FHOD3: variants seen among roughly 807,000 people sequenced by gnomAD.
FHOD3 encodes the protein FH1/FH2 domain-containing protein 3.
FHOD3 carries 90 observed loss-of-function variants against 173.0 expected under a neutral mutation model. The observed-to-expected ratio is 0.52, with a 90% CI of 0.44 to 0.62. The LOEUF (loss-of-function observed/expected upper bound fraction) is 0.62, where lower values mean the gene tolerates loss of function less well. FHOD3 is among the 20% of genes least tolerant of loss of function. FHOD3 has a pLI of 0.00. For missense variants in FHOD3, 1,945 were observed against 2,034.7 expected (o/e 0.96, Z 0.85); for synonymous variants, 828 against 823.0 (o/e 1.01, Z -0.10).
intron 9 of FHOD3, among the ~76,000 whole-genome samples, chr18:36,614,145 C>A (rs1053331443): frequency 6.6e-6 from 1 of 152,214 alleles, no homozygotes; most frequent in African/African-American, 2.4e-5. Flanking sequence ...CCCCCACACC[C>A]ATTAGCAGAC....
intron 17 of FHOD3, among the ~76,000 whole-genome samples, chr18:36,700,765 G>A (rs184517359): frequency 1.1e-4 from 17 of 151,272 alleles, no homozygotes; most frequent in Admixed American, 1.1e-3. Context: ...AAGACCCTTT[G>A]TACCCAGTAC....
Position 36,594,898 on chromosome 18 carries a change from G to A in FHOD3, c.718G>A (p.Gly240Arg), listed in dbSNP as rs1230600123. 6.2e-7 allele frequency: 1 copy of A among 1,604,800 alleles called. No homozygotes were observed. Among genetic ancestry groups the A allele is most frequent in the Non-Finnish European group, 8.5e-7 (1 of 1,172,524 alleles). ...TGTCACTGCTGTTGACACGAAAAGA[G>A]GTGAGTAGTCCCTGCCCCCTTATGT... is the stretch of plus-strand genomic sequence containing the variant. Reference protein sequence around the residue: ...QAVTAVDTKRGVKPWSNIMEI... With the variant: ...QAVTAVDTKRRVKPWSNIMEI... The change falls in exon 7 of 29, where the codon GGG becomes AGG. Residue 240 changes from glycine (G) to arginine (R), a missense_variant and splice_region_variant. Coordinates refer to ENST00000590592, the MANE Select transcript of FHOD3 (RefSeq NM_001281740.3).
chr18:36,626,412 T>C (rs2034112412), intron 10 of FHOD3, among the ~76,000 whole-genome samples: 1 of 152,184 alleles, frequency 6.6e-6, no homozygotes, highest in Non-Finnish European at 1.5e-5. Flanking sequence ...TTGGCAATCC[T>C]ATGAGATATT....
chr18:36,649,429 A>G (rs2035905364), intron 11 of FHOD3, 24 bp downstream of exon 11: 2 of 1,515,608 alleles, frequency 1.3e-6, no homozygotes, highest in Non-Finnish European at 1.8e-6. Context: ...GAGCCTCCCA[A>G]GCTCACACTA....
intron 14 of FHOD3, among the ~76,000 whole-genome samples, chr18:36,673,822 G>C (rs186836744): frequency 4.4e-4 from 67 of 152,182 alleles, no homozygotes; most frequent in East Asian, 2.5e-3. Flanking sequence ...ATCCCTCTCT[G>C]AGATACATAT....
At chr18:36,429,101 G>T (rs922561191) in intron 3 of FHOD3, among the ~76,000 whole-genome samples, 13 of 152,170 alleles carry the variant, frequency 8.5e-5, no homozygotes, top group Non-Finnish European at 1.5e-4. Context: ...CGGTCTTGAG[G>T]TCCAATGAGA....
At chr18:36,629,589 A>G (rs1307964322) in intron 10 of FHOD3, among the ~76,000 whole-genome samples, 1 of 152,220 alleles carries the variant, frequency 6.6e-6, no homozygotes, top group East Asian at 1.9e-4. Flanking sequence ...TGTGAGGGCT[A>G]TGGGGAACAG....
At chr18:36,480,296 G>T (rs778221874) in intron 3 of FHOD3, among the ~76,000 whole-genome samples, 35 of 152,088 alleles carry the variant, frequency 2.3e-4, no homozygotes, top group South Asian at 2.1e-4. Context: ...TGTTCCCCAG[G>T]CACATTAGAA....
intron 1 of FHOD3, among the ~76,000 whole-genome samples, chr18:36,306,166 G>A (rs2092090718): frequency 6.6e-6 from 1 of 152,230 alleles, no homozygotes; most frequent in East Asian, 1.9e-4. Flanking sequence ...CAGCTGGAAG[G>A]GCATGGGCGC....
chr18:36,709,165 T>C lies in FHOD3; in HGVS notation c.2307T>C (p.Ala769=), dbSNP rs2040035545. 2 of 1,613,944 alleles carry C rather than the reference T, an allele frequency of 1.2e-6. No individual in the cohort carries two copies. The highest frequency in any genetic ancestry group is 2.7e-5 in the African/African-American group (2 of 74,894). Residue 769 remains alanine, a synonymous_variant, in exon 18 of 29, where the codon GCT becomes GCC. Transcript: ENST00000590592. The part of the protein sequence containing the change: ...PEAEAGAGQV[A]DEAGQDIASA... Reference sequence around the variant, plus strand: ...CAGAGGCAGGGGCGGGGCAGGTTGCTGATGAAGCTGGCCAGGACATAGCCT... The same window carrying C: ...CAGAGGCAGGGGCGGGGCAGGTTGCCGATGAAGCTGGCCAGGACATAGCCT...
chr18:36,713,939 AT>A (rs1271410518), intron 18 of FHOD3, among the ~76,000 whole-genome samples: 1 of 152,236 alleles, frequency 6.6e-6, no homozygotes, highest in African/African-American at 2.4e-5. Flanking sequence ...GGCAGAGTGG[AT>A]TAAAAATGAC....
chr18:36,355,284 A>G (rs2046307764), intron 1 of FHOD3, among the ~76,000 whole-genome samples: 1 of 152,136 alleles, frequency 6.6e-6, no homozygotes, highest in Non-Finnish European at 1.5e-5. Context: ...CCAGTGCCCA[A>G]AGGGCTCCTT....
intron 1 of FHOD3, among the ~76,000 whole-genome samples, chr18:36,330,814 C>T (rs1236665022): frequency 1.3e-5 from 2 of 152,018 alleles, no homozygotes; most frequent in Non-Finnish European, 2.9e-5. Flanking sequence ...GTGAATGCAG[C>T]ATCAGAGCTG....
At chr18:36,484,311 C>G (rs796659892) in intron 3 of FHOD3, among the ~76,000 whole-genome samples, 11 of 152,176 alleles carry the variant, frequency 7.2e-5, no homozygotes, top group African/African-American at 2.4e-4. Context: ...GCCTGAACCT[C>G]CGATGACCTG....
chr18:36,313,028 G>T (rs1218237726), intron 1 of FHOD3, among the ~76,000 whole-genome samples: 2 of 152,166 alleles, frequency 1.3e-5, no homozygotes, highest in Non-Finnish European at 2.9e-5. Flanking sequence ...AGCTCCTTGG[G>T]TGTCTCTCTT....
intron 1 of FHOD3, among the ~76,000 whole-genome samples, chr18:36,299,550 A>G (rs1411945036): frequency 1.3e-5 from 2 of 152,152 alleles, no homozygotes; most frequent in African/African-American, 2.4e-5. Flanking sequence ...TGGATTTCAA[A>G]CCTTATATAC....
intron 23 of FHOD3, 87 bp downstream of exon 23, chr18:36,744,280 T>C (rs1340546946): frequency 1.4e-6 from 2 of 1,386,542 alleles, no homozygotes; most frequent in Non-Finnish European, 2.0e-6. Context: ...ACGAGCCCTA[T>C]TAAGTAAAAT....
At chr18:36,379,409 T>C (rs1403157552) in intron 3 of FHOD3, among the ~76,000 whole-genome samples, 1 of 152,256 alleles carries the variant, frequency 6.6e-6, no homozygotes, top group East Asian at 1.9e-4. Flanking sequence ...ATTGCTTCTT[T>C]AGGACTTGGT....
intron 5 of FHOD3, among the ~76,000 whole-genome samples, chr18:36,545,371 A>T (rs915040068): frequency 4.6e-5 from 7 of 152,270 alleles, no homozygotes; most frequent in African/African-American, 7.2e-5. Context: ...GGCATGTATA[A>T]GGTGGGCAGA....
Sources: allele counts gnomAD v4.1 joint callset (sites outside exome capture counted in the v4.1 genomes callset), GRCh38; gene constraint gnomAD v4.1.1; transcripts MANE v1.5; gene names NCBI Gene and HGNC (gene_info 2026-07-23, HGNC 2026-07-21).